The following KCNH1 variants were observed in gnomAD, a reference collection of about 807,000 sequenced individuals.
KCNH1 encodes potassium voltage-gated channel subfamily H member 1, also known as voltage-gated delayed rectifier potassium channel KCNH1.
In KCNH1, 27 loss-of-function variants were observed where a neutral mutation model predicts 69.2. That is an observed-to-expected ratio of 0.39 (90% CI 0.29 to 0.54). The LOEUF (loss-of-function observed/expected upper bound fraction) is 0.54, where lower values mean the gene tolerates loss of function less well. Ranked by LOEUF, KCNH1 falls within the 20% of genes least tolerant of loss-of-function variation. KCNH1 has a pLI of 0.68. For synonymous variants in KCNH1, 456 were observed against 487.7 expected, an observed-to-expected ratio of 0.93 and a Z score of 0.86; for missense variants, 798 against 1,261.6, an observed-to-expected ratio of 0.63 and a Z score of 5.57.
chr1:211,032,246 T>G (rs1400718945), intron 5 of KCNH1, among the ~76,000 whole-genome samples: 1 of 152,066 alleles, frequency 6.6e-6, no homozygotes, highest in Non-Finnish European at 1.5e-5. Context: ...AAACCACTGC[T>G]CAGTGAAATA....
chr1:210,980,548 A>C (rs1380876664), intron 6 of KCNH1, among the ~76,000 whole-genome samples: 2 of 152,210 alleles, frequency 1.3e-5, no homozygotes, highest in African/African-American at 4.8e-5. Context: ...ATGTTGATGA[A>C]AGATACTATA....
At chr1:210,718,249 T>G (rs1004802824) in intron 10 of KCNH1, among the ~76,000 whole-genome samples, 5 of 99,542 alleles carry the variant, frequency 5.0e-5, no homozygotes, top group Non-Finnish European at 9.8e-5. Context: ...GTACTAAGTC[T>G]TCTATAAATA....
At chr1:211,053,508 A>T (rs1423474717) in intron 5 of KCNH1, among the ~76,000 whole-genome samples, 4 of 152,144 alleles carry the variant, frequency 2.6e-5, no homozygotes, top group Non-Finnish European at 4.4e-5. Flanking sequence ...CAAAACAGAA[A>T]ATCTCTATTC....
At chr1:211,093,681 C>T (rs563803807) in intron 3 of KCNH1, among the ~76,000 whole-genome samples, 116 of 152,320 alleles carry the variant, frequency 7.6e-4, no homozygotes, top group African/African-American at 2.7e-3. Flanking sequence ...GGACATACTG[C>T]CTTAGAGTTC....
At chr1:211,045,181 T>C (rs1571603889) in intron 5 of KCNH1, among the ~76,000 whole-genome samples, 1 of 151,676 alleles carries the variant, frequency 6.6e-6, no homozygotes, top group Non-Finnish European at 1.5e-5. Flanking sequence ...AAGCCAAACA[T>C]TGTATGCTCT....
intron 6 of KCNH1, among the ~76,000 whole-genome samples, chr1:210,982,229 T>C (rs940415585): frequency 6.6e-6 from 1 of 151,490 alleles, no homozygotes; most frequent in African/African-American, 2.4e-5. Context: ...CTTTTATTAT[T>C]ATTATTATTA....
chr1:210,914,728 C>G (rs73071568), intron 7 of KCNH1, among the ~76,000 whole-genome samples: 3,755 of 152,082 alleles, frequency 0.025, 131 homozygotes, highest in African/African-American at 0.084. Context: ...AGAACTGGAC[C>G]AAGGAAATGC....
intron 10 of KCNH1, among the ~76,000 whole-genome samples, chr1:210,758,261 C>G (rs1030452484): frequency 6.6e-6 from 1 of 152,188 alleles, no homozygotes; most frequent in African/African-American, 2.4e-5. Context: ...AGTGCTTGCT[C>G]TGGACAGGAC....
chr1:210,751,433 A>G (rs1313395561), intron 10 of KCNH1, among the ~76,000 whole-genome samples: 1 of 152,190 alleles, frequency 6.6e-6, no homozygotes, highest in Non-Finnish European at 1.5e-5. Flanking sequence ...CAATTTTAAG[A>G]ATTTTAGCAA....
chr1:211,100,974 C>T (rs1401765138), intron 3 of KCNH1, among the ~76,000 whole-genome samples: 2 of 152,090 alleles, frequency 1.3e-5, no homozygotes, highest in Non-Finnish European at 2.9e-5. Flanking sequence ...ACTCTCAATG[C>T]TCTCTCTCCG....
chr1:210,817,374 C>T (rs898320692), intron 7 of KCNH1, among the ~76,000 whole-genome samples: 7 of 152,182 alleles, frequency 4.6e-5, no homozygotes, highest in Non-Finnish European at 8.8e-5. Context: ...ATAATAACAA[C>T]AACTGATGCT....
intron 10 of KCNH1, among the ~76,000 whole-genome samples, chr1:210,766,517 G>C (rs546651710): frequency 2.6e-5 from 4 of 152,060 alleles, no homozygotes; most frequent in East Asian, 1.9e-4. Context: ...AAGATTGAGG[G>C]GGGGTGGGGA....
intron 6 of KCNH1, among the ~76,000 whole-genome samples, chr1:210,954,269 G>T (rs1039720348): frequency 6.6e-6 from 1 of 152,208 alleles, no homozygotes; most frequent in Non-Finnish European, 1.5e-5. Flanking sequence ...ATTCCATGGT[G>T]TATATGTGCC....
chr1:211,081,630 TA>T (rs1690861985), intron 5 of KCNH1, among the ~76,000 whole-genome samples: 1 of 152,232 alleles, frequency 6.6e-6, no homozygotes, highest in South Asian at 2.1e-4. Flanking sequence ...CATGGAATAC[TA>T]TGCAGCCATT....
At chr1:210,694,535 C>G (rs1348139899) in intron 10 of KCNH1, among the ~76,000 whole-genome samples, 1 of 152,212 alleles carries the variant, frequency 6.6e-6, no homozygotes, top group Admixed American at 6.5e-5. Context: ...AGAGCCACAG[C>G]CTGTCCCCTA....
intron 3 of KCNH1, among the ~76,000 whole-genome samples, chr1:211,093,956 T>C (rs1691100932): frequency 1.3e-5 from 2 of 152,224 alleles, no homozygotes. Flanking sequence ...TACCTGTGAC[T>C]TGCAGGTAAC....
intron 5 of KCNH1, among the ~76,000 whole-genome samples, chr1:211,079,004 T>C (rs1690795118): frequency 6.6e-6 from 1 of 151,102 alleles, no homozygotes; most frequent in African/African-American, 2.4e-5. Flanking sequence ...AAAAAAACCT[T>C]CAAAAAATCA....
intron 7 of KCNH1, among the ~76,000 whole-genome samples, chr1:210,877,106 A>G (rs1054207693): frequency 3.3e-5 from 5 of 150,680 alleles, no homozygotes; most frequent in Non-Finnish European, 7.4e-5. Flanking sequence ...CCTGAATCTC[A>G]TAGTTCACCA....
At chr1:211,043,130 GAAAC>G (rs1323320883) in intron 5 of KCNH1, among the ~76,000 whole-genome samples, 7 of 152,070 alleles carry the variant, frequency 4.6e-5, no homozygotes, top group Non-Finnish European at 5.9e-5. Context: ...AAACGAAATT[GAAAC>G]AAACAAACAA....
Sources: gnomAD v4.1 joint callset for allele counts (sites outside exome capture counted in the v4.1 genomes callset) on GRCh38, gnomAD v4.1.1 for gene constraint, MANE v1.5 for transcripts, NCBI Gene and HGNC (gene_info 2026-07-23, HGNC 2026-07-21) for gene names.